The following TF variants were observed in gnomAD, a reference collection of about 807,000 sequenced individuals.
The protein encoded by TF is serotransferrin.
TF carries 55 observed loss-of-function variants against 82.4 expected under a neutral mutation model. That is an observed-to-expected ratio of 0.67 (90% CI 0.54 to 0.84). TF has a LOEUF of 0.84. TF is among the 40% of genes least tolerant of loss of function. The probability of loss-of-function intolerance (pLI) is 0.00; values close to 1 mark genes in which losing one functional copy is unlikely to be tolerated. For synonymous variants in TF, 332 were observed against 332.6 expected (o/e 1.00, Z 0.02); for missense variants, 737 against 868.4 (o/e 0.85, Z 1.90).
chr3:133,781,893 A>T lies in TF; in HGVS notation c.*3273A>T, dbSNP rs1576370737. 1.3e-5 allele frequency: 2 copies of T among 152,358 alleles called. No individual in the cohort carries two copies. Among genetic ancestry groups the T allele is most frequent in the Middle Eastern group, 3.4e-3 (1 of 294 alleles). The allele number at this position is 152,358 out of a possible 1,614,324, so 9.4% of individuals were successfully genotyped here. A position where few individuals can be genotyped will look rare whatever the true frequency, so the allele number is the denominator to read the frequency against. ...TGGCAACCTATGGATTGGAAAAAAT[A>T]TTTGCAAACTATATATCTAATAAGA... On this transcript the variant is annotated 3_prime_UTR_variant, in exon 17 of 17. Coordinates refer to ENST00000402696, the MANE Select transcript of TF (RefSeq NM_001063.4).
the TF span, among the ~76,000 whole-genome samples, chr3:133,718,153 G>A: frequency 2.0e-5 from 3 of 152,236 alleles, no homozygotes. Flanking sequence ...ATTTGTATGA[G>A]TGGGAAGAGA....
the TF span, among the ~76,000 whole-genome samples, chr3:133,717,609 A>G: frequency 2.0e-5 from 3 of 152,144 alleles, no homozygotes; most frequent in African/African-American, 7.2e-5. Flanking sequence ...AGGAAGGGGG[A>G]TTGACACAAC....
chr3:133,691,137 A>T, the TF span, among the ~76,000 whole-genome samples: 1 of 152,236 alleles, frequency 6.6e-6, no homozygotes, highest in Admixed American at 6.5e-5. Context: ...GTCAGTCAAT[A>T]AATGAATAAA....
At chr3:133,717,264 T>C in the TF span, among the ~76,000 whole-genome samples, 1 of 152,134 alleles carries the variant, frequency 6.6e-6, no homozygotes, top group Non-Finnish European at 1.5e-5. Flanking sequence ...CTCTGGGTGC[T>C]CCCTCCTTGA....
At position 133,746,449 on chromosome 3, in the gene TF, C is replaced by G; in HGVS notation, c.9C>G (p.Leu3=). MR[L]AVGALLVCAV... Reference sequence around the variant, plus strand: ...AGCGCCGCACCCGGAAGATGAGGCTCGCCGTGGGAGCCCTGCTGGTCTGCG... The same window carrying G: ...AGCGCCGCACCCGGAAGATGAGGCTGGCCGTGGGAGCCCTGCTGGTCTGCG... Residue 3 remains leucine, a synonymous_variant, in exon 1 of 17, where the codon CTC becomes CTG. Transcript: ENST00000402696. The G allele has an allele frequency of 6.2e-7, 1 of 1,600,782 alleles. No individual in the cohort carries two copies. The highest frequency in any genetic ancestry group is 8.5e-7 in the Non-Finnish European group (1 of 1,177,132).
chr3:133,715,287 A>C, the TF span, among the ~76,000 whole-genome samples: 2 of 152,106 alleles, frequency 1.3e-5, no homozygotes, highest in African/African-American at 4.8e-5. Flanking sequence ...ATTTCTCCTA[A>C]GAAAAGAAAT....
chr3:133,679,569 C>CTTTTTTTTTTTTTTTTTTTTTTTTTT, the TF span, among the ~76,000 whole-genome samples: 1 of 75,382 alleles, frequency 1.3e-5, no homozygotes, highest in African/African-American at 5.4e-5. Context: ...CTTTGTTTGG[C>CTTTTTTTTTTTTTTTTTTTTTTTTTT]TTTTTTTTTT....
the TF span, among the ~76,000 whole-genome samples, chr3:133,724,893 C>A: frequency 6.6e-6 from 1 of 152,174 alleles, no homozygotes; most frequent in Non-Finnish European, 1.5e-5. Context: ...GTTTTCCCAG[C>A]ACCATTTATT....
rs564013176 is a variant in TF, at chr3:133,748,210, G to A, written c.44-202G>A. 16 of 663,554 alleles carry A rather than the reference G, an allele frequency of 2.4e-5. No individual in the cohort carries two copies. The South Asian group carries it at 2.5e-4, about 10-fold the overall frequency. 41.1% of individuals were successfully genotyped at this position (663,554 alleles called of 1,614,324 possible). On this transcript the variant is annotated intron_variant, in intron 1 of 16. Transcript: ENST00000402696. ...TCTGGCCAGCAGAGGGTGGTCAGTA[G>A]GAAACTGGGAGGCCATTAGGGCAAC... is the stretch of plus-strand genomic sequence containing the variant.
At chr3:133,723,815 C>A in the TF span, among the ~76,000 whole-genome samples, 1 of 151,920 alleles carries the variant, frequency 6.6e-6, no homozygotes, top group Non-Finnish European at 1.5e-5. Context: ...CCTTCCCCAC[C>A]CCACCACAGT....
Position 133,756,352 on chromosome 3 carries a change from A to G in TF, c.691+15A>G, listed in dbSNP as rs974114927. On this transcript the variant is annotated intron_variant, in intron 6 of 16. Transcript: ENST00000402696. ...GACTATATTTGGTAAGAATGGGACA[A>G]GAATCCACCAGGGCCACTCCAAGTA... 3 of 1,613,732 alleles carry G rather than the reference A, an allele frequency of 1.9e-6. No homozygotes were observed. The highest frequency in any genetic ancestry group is 2.5e-6 in the Non-Finnish European group (3 of 1,179,844).
intron 4 of TF, among the ~76,000 whole-genome samples, 173 bp from the exon 5 acceptor site, chr3:133,755,190 T>C (rs1933790201): frequency 6.6e-6 from 1 of 152,226 alleles, no homozygotes; most frequent in South Asian, 2.1e-4. Context: ...GAGGTCAACT[T>C]GTTCCTATTA....
the TF span, among the ~76,000 whole-genome samples, chr3:133,722,250 G>A: frequency 6.6e-6 from 1 of 151,490 alleles, no homozygotes; most frequent in African/African-American, 2.4e-5. Flanking sequence ...CTTGCTTCTG[G>A]TTTCTATTTG....
the TF span, among the ~76,000 whole-genome samples, chr3:133,722,970 A>T: frequency 6.6e-6 from 1 of 152,170 alleles, no homozygotes; most frequent in Non-Finnish European, 1.5e-5. Flanking sequence ...CTTAGGGGTG[A>T]TGAATTCTCT....
chr3:133,735,107 C>G, the TF span, among the ~76,000 whole-genome samples: 3 of 152,050 alleles, frequency 2.0e-5, no homozygotes. Flanking sequence ...CTTTGGGATG[C>G]TGAGGCGGGT....
At chr3:133,719,284 T>A in the TF span, among the ~76,000 whole-genome samples, 7 of 152,216 alleles carry the variant, frequency 4.6e-5, no homozygotes, top group African/African-American at 1.7e-4. Flanking sequence ...ACATCCCTGT[T>A]AACGGGAGAA....
chr3:133,665,919 G>C, the TF span, among the ~76,000 whole-genome samples: 21 of 124,080 alleles, frequency 1.7e-4, no homozygotes, highest in African/African-American at 6.4e-4. Flanking sequence ...TGGGCAAAAA[G>C]AGCGAAACTC....
At chr3:133,745,531 CATG>C (rs1933475696), upstream of TF, among the ~76,000 whole-genome samples, 1 of 152,180 alleles carries the variant, frequency 6.6e-6, no homozygotes, top group African/African-American at 2.4e-5. Flanking sequence ...CAATATTTTT[CATG>C]ATAAGGATGT....
the TF span, among the ~76,000 whole-genome samples, chr3:133,663,485 G>GA: frequency 6.7e-6 from 1 of 150,046 alleles, no homozygotes; most frequent in Admixed American, 6.6e-5. Context: ...CTAGAGGTGG[G>GA]AAAAAAAAGA....
Sources: gnomAD v4.1 joint callset for allele counts (sites outside exome capture counted in the v4.1 genomes callset) on GRCh38, gnomAD v4.1.1 for gene constraint, MANE v1.5 for transcripts, NCBI Gene and HGNC (gene_info 2026-07-23, HGNC 2026-07-21) for gene names.